MAML2: variants seen among roughly 807,000 people sequenced by gnomAD.
MAML2 encodes the protein mastermind like transcriptional coactivator 2.
MAML2 carries 22 observed loss-of-function variants against 96.1 expected under a neutral mutation model. The ratio of observed to expected loss-of-function variants is 0.23; its 90% CI spans 0.16 to 0.33. The LOEUF (loss-of-function observed/expected upper bound fraction) is 0.33, where lower values mean the gene tolerates loss of function less well. Among genes scored for constraint, MAML2 ranks in the 10% least tolerant of loss-of-function variants. MAML2 has a pLI of 1.00. For synonymous variants in MAML2, 561 were observed against 521.3 expected, an observed-to-expected ratio of 1.08 and a Z score of -1.04; for missense variants, 1,367 against 1,392.4, an observed-to-expected ratio of 0.98 and a Z score of 0.29.
chr11:96,341,673 G>A lies in MAML2; in HGVS notation c.223C>T (p.Gln75Ter), dbSNP rs1311923744. 1 of 1,588,460 alleles carries A rather than the reference G, an allele frequency of 6.3e-7. No homozygotes were observed. The highest frequency in any genetic ancestry group is 8.6e-7 in the Non-Finnish European group (1 of 1,167,104). The change falls in exon 1 of 5, where the codon CAG (glutamine) becomes TAG (stop). Residue 75 changes from glutamine (Q) to a stop codon, truncating the protein, a stop_gained. Coordinates refer to ENST00000524717, the MANE Select transcript of MAML2 (RefSeq NM_032427.4). LOFTEE classifies it high-confidence loss of function. ...SSDRERESTL[Q>*]LLSLVQHGQG... ...CCATGCTGTACAAGGCTCAGGAGCT[G>A]CAAGGTGCTTTCTCTTTCCCGGTCT...
At position 96,134,762 on chromosome 11, in the gene MAML2, G is replaced by T. The variant is rs1860600607; in HGVS notation, c.514-41245C>A. ...GCTTTTATTTCCTCAAGCTAAGAGG[G>T]GTAAACAGAAATGGTTACCATGGAA... On this transcript the variant is annotated intron_variant, in intron 1 of 4. Transcript: ENST00000524717. Among the ~76,000 whole-genome samples, 3 of 152,092 alleles carry T rather than the reference G, an allele frequency of 2.0e-5. 1 individual carries two copies. In the South Asian group the frequency reaches 6.2e-4, roughly 32 times the overall value.
chr11:96,226,654 T>C (rs958076189), intron 1 of MAML2, among the ~76,000 whole-genome samples: 2 of 152,228 alleles, frequency 1.3e-5, no homozygotes, highest in Non-Finnish European at 2.9e-5. Context: ...ATTTCCTAGC[T>C]CATATTATAT....
chr11:96,014,469 T>A (rs987973756), intron 2 of MAML2, among the ~76,000 whole-genome samples: 1 of 152,130 alleles, frequency 6.6e-6, no homozygotes, highest in African/African-American at 2.4e-5. Context: ...CTAACATCGG[T>A]GAACTCTGAA....
At chr11:95,996,412 A>G (rs1257181793) in intron 2 of MAML2, among the ~76,000 whole-genome samples, 1 of 152,142 alleles carries the variant, frequency 6.6e-6, no homozygotes, top group African/African-American at 2.4e-5. Context: ...ACTGTGCTAA[A>G]TGTAGTTTAT....
rs66593553 is a variant in MAML2, at chr11:96,100,735, CTT to C, written c.514-7220_514-7219del. On this transcript the variant is annotated intron_variant, in intron 1 of 4. Coordinates refer to ENST00000524717, the MANE Select transcript of MAML2 (RefSeq NM_032427.4). Reference sequence around the variant, plus strand: ...AATGTTACTAGTTTAGTCAAAATAGCTTTTTTTTTTTTCTTTTTTTTTTTTTC... The same window carrying C: ...AATGTTACTAGTTTAGTCAAAATAGCTTTTTTTTTTCTTTTTTTTTTTTTC... Among the ~76,000 whole-genome samples, 39 of 136,176 alleles carry C rather than the reference CTT, an allele frequency of 2.9e-4. 1 individual carries two copies. Among genetic ancestry groups the C allele is most frequent in the South Asian group, 1.6e-3 (7 of 4,418 alleles). The allele number at this position is 136,176 out of a possible 152,430, so 89.3% of individuals were successfully genotyped here. A position where few individuals can be genotyped will look rare whatever the true frequency, so the allele number is the denominator to read the frequency against.
rs140737173 is a variant in MAML2 at position 96,276,912 on chromosome 11, T to C, written c.513+64471A>G. Among the ~76,000 whole-genome samples, 22 of 149,308 alleles carry C rather than the reference T, an allele frequency of 1.5e-4. No individual in the cohort carries two copies. The East Asian group carries it at 4.2e-3, about 29-fold the overall frequency. On this transcript the variant is annotated intron_variant, in intron 1 of 4. Coordinates refer to ENST00000524717, the MANE Select transcript of MAML2 (RefSeq NM_032427.4). ...TAAATCTGGATAGTACTATGATAAATATTGTAAGATTTATGCACTCATCCC... is the reference window on the plus strand; with the variant it reads ...TAAATCTGGATAGTACTATGATAAACATTGTAAGATTTATGCACTCATCCC...
At chr11:96,166,573 C>G (rs1591050471) in intron 1 of MAML2, among the ~76,000 whole-genome samples, 1 of 152,166 alleles carries the variant, frequency 6.6e-6, no homozygotes, top group East Asian at 1.9e-4. Flanking sequence ...CCACCGAAGG[C>G]TTAAGGTCGA....
intron 1 of MAML2, among the ~76,000 whole-genome samples, chr11:96,215,849 C>G (rs747626917): frequency 6.6e-6 from 1 of 152,012 alleles, no homozygotes; most frequent in African/African-American, 2.4e-5. Flanking sequence ...AGATCCAAGT[C>G]CAGAAATTAC....
At position 96,114,318 on chromosome 11, in the gene MAML2, CT is replaced by C. The variant is rs559551668; in HGVS notation, c.514-20802del. On this transcript the variant is annotated intron_variant, in intron 1 of 4. Transcript: ENST00000524717. ...CCAGACTGAGAAAGGTACCAAGAGT[CT>C]TGGTGAGAAATCAGTCTAGAGGTAC... 4.3e-4 allele frequency among the ~76,000 whole-genome samples: 66 copies of C among 152,296 alleles called. No individual in the cohort carries two copies. In the East Asian group the frequency reaches 0.012, roughly 28 times the overall value.
At position 96,180,633 on chromosome 11, in the gene MAML2, C is replaced by G. The variant is rs555266281; in HGVS notation, c.514-87116G>C. On this transcript the variant is annotated intron_variant, in intron 1 of 4. Coordinates refer to ENST00000524717, the MANE Select transcript of MAML2 (RefSeq NM_032427.4). The stretch of plus-strand genomic sequence containing the variant: ...AGAAGCCAAAGGGAGCCAATCTGGA[C>G]TGACTCCTGCTCAAATTATAGGCTC... Among the ~76,000 whole-genome samples, 5 of 152,306 alleles carry G rather than the reference C, an allele frequency of 3.3e-5. No individual in the cohort carries two copies. The South Asian group carries it at 8.3e-4, about 25-fold the overall frequency.
chr11:96,230,082 G>A (rs1862270568), intron 1 of MAML2, among the ~76,000 whole-genome samples: 1 of 152,038 alleles, frequency 6.6e-6, no homozygotes, highest in Admixed American at 6.5e-5. Context: ...ACGAAACGTG[G>A]GATGTTTAAT....
At chr11:96,080,256 C>T (rs1353930727) in intron 2 of MAML2, among the ~76,000 whole-genome samples, 1 of 152,034 alleles carries the variant, frequency 6.6e-6, no homozygotes, top group Non-Finnish European at 1.5e-5. Context: ...GTTAATAAAT[C>T]AAGAGGTATC....
At chr11:96,071,773 G>A (rs192792355) in intron 2 of MAML2, among the ~76,000 whole-genome samples, 19 of 152,164 alleles carry the variant, frequency 1.2e-4, no homozygotes, top group African/African-American at 3.9e-4. Flanking sequence ...TACTCCAAAG[G>A]CCTTCTTTTC....
At position 96,093,511 on chromosome 11, in the gene MAML2, C is replaced by A; in HGVS notation, c.520G>T (p.Gly174Cys). The A allele has an allele frequency of 6.3e-7, 1 of 1,591,538 alleles. No homozygotes were observed. Among genetic ancestry groups the A allele is most frequent in the Non-Finnish European group, 8.5e-7 (1 of 1,169,774 alleles). The change falls in exon 2 of 5, where the codon GGT (glycine) becomes TGT (cysteine). Residue 174 changes from glycine (G) to cysteine (C), a missense_variant. Gly to Cys is a radical substitution (Grantham distance 159). Transcript: ENST00000524717. ...ACTACCTGTTTTCTTTTCAAGGAAC[C>A]CTGGAGCTGAAAGACAGAAGGGAAT... Reference protein sequence around the residue: ...QRNSALIALQGSLKRKQVVNL... With the variant: ...QRNSALIALQCSLKRKQVVNL...
At chr11:96,316,443 G>A (rs1863634458) in intron 1 of MAML2, among the ~76,000 whole-genome samples, 1 of 151,946 alleles carries the variant, frequency 6.6e-6, no homozygotes, top group African/African-American at 2.4e-5. Flanking sequence ...ATCTCTTTAG[G>A]AGGGATGTTC....
At chr11:96,225,709 T>C (rs1862200848) in intron 1 of MAML2, among the ~76,000 whole-genome samples, 1 of 152,042 alleles carries the variant, frequency 6.6e-6, no homozygotes, top group South Asian at 2.1e-4. Flanking sequence ...GGCGGATACC[T>C]GTAGTCCCAG....
chr11:96,042,646 A>G (rs1858833903), intron 2 of MAML2, among the ~76,000 whole-genome samples: 1 of 151,862 alleles, frequency 6.6e-6, no homozygotes, highest in Non-Finnish European at 1.5e-5. Flanking sequence ...CCTGTTCCCC[A>G]TGAAGCCTTT....
chr11:96,193,854 C>G (rs1384905448), intron 1 of MAML2, among the ~76,000 whole-genome samples: 1 of 152,184 alleles, frequency 6.6e-6, no homozygotes, highest in Non-Finnish European at 1.5e-5. Flanking sequence ...AGAAACATAT[C>G]AAAAGTAGCT....
intron 1 of MAML2, among the ~76,000 whole-genome samples, chr11:96,321,529 A>G (rs1863699860): frequency 6.6e-6 from 1 of 152,208 alleles, no homozygotes; most frequent in African/African-American, 2.4e-5. Flanking sequence ...AGGTCCTCAG[A>G]CATCAATAAT....
Sources: allele counts gnomAD v4.1 joint callset (sites outside exome capture counted in the v4.1 genomes callset), GRCh38; gene constraint gnomAD v4.1.1; transcripts MANE v1.5; gene names NCBI Gene and HGNC (gene_info 2026-07-23, HGNC 2026-07-21).